PINLYP: variants seen among roughly 807,000 people sequenced by gnomAD.
The protein encoded by PINLYP is phospholipase A2 inhibitor and LY6/PLAUR domain containing, also known as phospholipase A2 inhibitor and Ly6/PLAUR domain-containing protein.
In PINLYP, 12 loss-of-function variants were observed where a neutral mutation model predicts 15.8. That is an observed-to-expected ratio of 0.76 (90% CI 0.49 to 1.23). The LOEUF is 1.23. Ranked by LOEUF, PINLYP falls within the 50% of genes most tolerant of loss-of-function variation. The pLI, the probability that PINLYP is intolerant of heterozygous loss-of-function variation, is 0.00. For missense variants in PINLYP, 278 were observed against 264.2 expected (o/e 1.05, Z -0.36); for synonymous variants, 93 against 97.7 (o/e 0.95, Z 0.28).
chr19:43,580,662 A>G (rs1426813853), intron 3 of PINLYP: 1 of 985,968 alleles, frequency 1.0e-6, no homozygotes, highest in Admixed American at 6.1e-5. Flanking sequence ...CACATCCAGC[A>G]GGCTGAGGTT....
chr19:43,575,904 T>C (rs1373759633), exon 1 of PINLYP: 3 of 152,608 alleles, frequency 2.0e-5, no homozygotes, highest in African/African-American at 7.2e-5. Flanking sequence ...ATTTTATTTT[T>C]TAAAAATTTT....
rs1455254877 is a variant in PINLYP at position 43,578,585 on chromosome 19, T to C, written c.71-5T>C. 5 of 1,533,256 alleles carry C rather than the reference T, an allele frequency of 3.3e-6. No homozygotes were observed. Among genetic ancestry groups the C allele is most frequent in the Non-Finnish European group, 4.4e-6 (5 of 1,144,654 alleles). 95.0% of individuals were successfully genotyped at this position (1,533,256 alleles called of 1,614,324 possible). A position where few individuals can be genotyped will look rare whatever the true frequency, so the allele number is the denominator to read the frequency against. On this transcript the variant is annotated splice_polypyrimidine_tract_variant and splice_region_variant and intron_variant, in intron 2 of 5. Transcript: ENST00000599207. ...CTACAGCCTCGCCCTCTGTCTACAC[T>C]GCAGGGTGCCCACTACACTGCGAAA... is the stretch of plus-strand genomic sequence containing the variant.
At position 43,581,794 on chromosome 19, in the gene PINLYP, G is replaced by T. The variant is rs761430064; in HGVS notation, c.482-74G>T. 3.9e-6 allele frequency: 6 copies of T among 1,533,610 alleles called. No individual in the cohort carries two copies. In the Admixed American group the frequency reaches 9.8e-5, roughly 25 times the overall value. On this transcript the variant is annotated intron_variant, in intron 5 of 5. Transcript: ENST00000599207. ...GGAGGAGAGGGTTCCAGAGAAGTGGGTGAGGATGTGTTCTGGGATTATGAG... is the reference window on the plus strand; with the variant it reads ...GGAGGAGAGGGTTCCAGAGAAGTGGTTGAGGATGTGTTCTGGGATTATGAG...
At chr19:43,578,624 G>A (rs1450351860) in exon 3 of PINLYP, 43 of 1,535,858 alleles carry the variant, frequency 2.8e-5, no homozygotes, top group Non-Finnish European at 3.2e-5. Flanking sequence ...GTACGGCGGC[G>A]GGGAGCAGGT....
chr19:43,578,059 C>A (rs2146080688), intron 2 of PINLYP, among the ~76,000 whole-genome samples: 1 of 152,258 alleles, frequency 6.6e-6, no homozygotes, highest in South Asian at 2.1e-4. Context: ...ACCCAGGTTT[C>A]TGGGCCCCTA....
chr19:43,582,044 C>G, exon 6 of PINLYP: 1 of 1,532,440 alleles, frequency 6.5e-7, no homozygotes, highest in Non-Finnish European at 8.7e-7. Flanking sequence ...GTGAAGTCCC[C>G]ATTTGTCCTC....
chr19:43,581,195 C>G lies in PINLYP; in HGVS notation c.188-17C>G. The G allele has an allele frequency of 6.5e-7, 1 of 1,536,088 alleles. No homozygotes were observed. Among genetic ancestry groups the G allele is most frequent in the Non-Finnish European group, 8.7e-7 (1 of 1,146,558 alleles). On this transcript the variant is annotated splice_polypyrimidine_tract_variant and intron_variant, in intron 3 of 5. Transcript: ENST00000599207. ...AGTGGTCAGCCAGCACTGTCCCTGCCTGTCCCCATCCCACAGAGGGCAAGG... is the reference window on the plus strand; with the variant it reads ...AGTGGTCAGCCAGCACTGTCCCTGCGTGTCCCCATCCCACAGAGGGCAAGG...
chr19:43,580,412 G>A (rs1016070909), intron 3 of PINLYP: 28 of 517,626 alleles, frequency 5.4e-5, no homozygotes, highest in African/African-American at 8.4e-5. Flanking sequence ...AGAGACCCTC[G>A]TTGGGAGGTC....
chr19:43,576,529 T>C (rs998140088), exon 1 of PINLYP, among the ~76,000 whole-genome samples: 2 of 152,074 alleles, frequency 1.3e-5, no homozygotes, highest in African/African-American at 4.8e-5. Context: ...AAAGCCTCAG[T>C]TTCCCAATAT....
intron 5 of PINLYP, 53 bp from the exon 6 acceptor site, chr19:43,581,815 A>G (rs1324146406): frequency 2.3e-5 from 35 of 1,535,212 alleles, no homozygotes; most frequent in Admixed American, 1.4e-4. Context: ...TTCTGGGATT[A>G]TGAGGAAGAA....
In PINLYP at chr19:43,581,376, G is replaced by A; in HGVS notation, c.340+12G>A. On this transcript the variant is annotated intron_variant, in intron 4 of 5. Coordinates refer to ENST00000599207, the Ensembl canonical transcript of PINLYP. ...TGCCTTTTTGTCTGGTAAGAAGCCC[G>A]TGGTGTGTGGTGTGTGCTCTGGCTC... is the stretch of plus-strand genomic sequence containing the variant. 2.0e-6 allele frequency: 3 copies of A among 1,536,328 alleles called. No individual in the cohort carries two copies. Among genetic ancestry groups the A allele is most frequent in the Non-Finnish European group, 2.6e-6 (3 of 1,146,760 alleles).
chr19:43,576,637 C>CT lies in PINLYP; in HGVS notation c.-359dup, dbSNP rs1972868224. 6.6e-6 allele frequency among the ~76,000 whole-genome samples: 1 copy of CT among 152,160 alleles called. No homozygotes were observed. The highest frequency in any genetic ancestry group is 2.4e-5 in the African/African-American group (1 of 41,432). On this transcript the variant is annotated 5_prime_UTR_variant, in exon 1 of 6. The change abolishes the stop of an existing upstream ORF in the 5' untranslated region. Transcript: ENST00000599207. ...GCCTTGGAGACCCAAGGGTGCAGCC[C>CT]TGGGTGGGGTCGCAGCTGGAGACAG...
At chr19:43,580,053 GA>G in intron 3 of PINLYP, among the ~76,000 whole-genome samples, 1 of 152,280 alleles carries the variant, frequency 6.6e-6, no homozygotes, top group Middle Eastern at 3.4e-3. Context: ...TCAATCACAG[GA>G]GGAGAGATGA....
At chr19:43,576,237 G>A (rs1278330251) in exon 1 of PINLYP, among the ~76,000 whole-genome samples, 1 of 152,136 alleles carries the variant, frequency 6.6e-6, no homozygotes, top group Non-Finnish European at 1.5e-5. Flanking sequence ...AAATCTGAGT[G>A]AATTTTCGTA....
chr19:43,581,605 C>T, exon 5 of PINLYP: 1 of 1,536,612 alleles, frequency 6.5e-7, no homozygotes, highest in South Asian at 1.2e-5. Context: ...ATGTGCCCCG[C>T]CTGCACTGCG....
rs3213239 is a variant in PINLYP at position 43,576,907 on chromosome 19, G to GGGCCGGCC, written c.-85_-84insGCCGGCCG. The stretch of plus-strand genomic sequence containing the variant: ...TTCAAGCAAACAAACAAACAACAAT[G>GGGCCGGCC]GGCCGTGGGAAGGTGAGAAAACAGG... On this transcript the variant is annotated 5_prime_UTR_variant, in exon 1 of 6. The change abolishes the stop of an existing upstream ORF in the 5' untranslated region. Coordinates refer to ENST00000599207, the Ensembl canonical transcript of PINLYP. The GGGCCGGCC allele has an allele frequency of 2.3e-6, 1 of 430,784 alleles. No homozygotes were observed. Among genetic ancestry groups the GGGCCGGCC allele is most frequent in the Admixed American group, 3.8e-5 (1 of 26,040 alleles). The allele number at this position is 430,784 out of a possible 1,614,324, so 26.7% of individuals were successfully genotyped here.
upstream of PINLYP, chr19:43,575,531 AG>A (rs1972849600): frequency 7.6e-7 from 1 of 1,322,154 alleles, no homozygotes; most frequent in South Asian, 1.2e-5. Context: ...GGAGAGTGGG[AG>A]GGGGCGGGGT....
Position 43,582,028 on chromosome 19 carries a change from T to C in PINLYP, c.*27T>C, listed in dbSNP as rs1314202820. On this transcript the variant is annotated 3_prime_UTR_variant, in exon 6 of 6. Transcript: ENST00000599207. Reference sequence around the variant, plus strand: ...AAGCTATCTGAACAGAGGAAGATAATGTAGTGTGAAGTCCCCATTTGTCCT... The same window carrying C: ...AAGCTATCTGAACAGAGGAAGATAACGTAGTGTGAAGTCCCCATTTGTCCT... 3 of 1,534,944 alleles carry C rather than the reference T, an allele frequency of 2.0e-6. No homozygotes were observed. The South Asian group carries it at 3.6e-5, about 18-fold the overall frequency.
At chr19:43,578,499 C>A in intron 2 of PINLYP, 91 bp from the exon 3 acceptor site, 1 of 873,886 alleles carries the variant, frequency 1.1e-6, no homozygotes, top group Non-Finnish European at 1.8e-6. Context: ...CTGGTCCCTC[C>A]TCTCTCAGGA....
Sources: gnomAD v4.1 joint callset for allele counts (sites outside exome capture counted in the v4.1 genomes callset) on GRCh38, gnomAD v4.1.1 for gene constraint, MANE v1.5 for transcripts, NCBI Gene and HGNC (gene_info 2026-07-23, HGNC 2026-07-21) for gene names.